GMDS: variants seen among roughly 807,000 people sequenced by gnomAD.
GMDS encodes GDP-mannose 4,6-dehydratase, also known as GDP-mannose 4,6 dehydratase.
In GMDS, 20 loss-of-function variants were observed where a neutral mutation model predicts 49.9. That is an observed-to-expected ratio of 0.40 (90% CI 0.28 to 0.58). GMDS has a LOEUF of 0.58. GMDS is among the 20% of genes least tolerant of loss of function. The pLI, the probability that GMDS is intolerant of heterozygous loss-of-function variation, is 0.42. For synonymous variants in GMDS, 177 were observed against 178.6 expected (o/e 0.99, Z 0.07); for missense variants, 362 against 481.4 (o/e 0.75, Z 2.32).
intron 6 of GMDS, among the ~76,000 whole-genome samples, chr6:1,946,185 C>T (rs1206862005): frequency 6.6e-6 from 1 of 152,090 alleles, no homozygotes; most frequent in Non-Finnish European, 1.5e-5. Context: ...TGAGGAAAAA[C>T]TAGAGGGCCA....
Position 1,778,876 on chromosome 6 carries a change from C to T in GMDS, c.772-36290G>A, listed in dbSNP as rs976495400. 1.3e-5 allele frequency among the ~76,000 whole-genome samples: 2 copies of T among 152,018 alleles called. No homozygotes were observed. Among genetic ancestry groups the T allele is most frequent in the Non-Finnish European group, 2.9e-5 (2 of 67,978 alleles). On this transcript the variant is annotated intron_variant, in intron 7 of 10. Coordinates refer to ENST00000380815, the MANE Select transcript of GMDS (RefSeq NM_001500.4). The surrounding 1 kb of genome is among the most constrained non-coding windows in gnomAD (Gnocchi z 4.6). ...TTTTTCTCTTATAGCAGAAATACGC[C>T]TGAAAATGTTTTTCCAACCCCAACA... is the stretch of plus-strand genomic sequence containing the variant.
intron 7 of GMDS, among the ~76,000 whole-genome samples, chr6:1,811,555 C>CTTTT (rs67339222): frequency 8.4e-6 from 1 of 119,062 alleles, no homozygotes; most frequent in Non-Finnish European, 1.7e-5. Flanking sequence ...ACTAGTCAAG[C>CTTTT]TTTTTTTTTT....
At chr6:2,220,242 C>A (rs946546301) in intron 1 of GMDS, among the ~76,000 whole-genome samples, 31 of 152,304 alleles carry the variant, frequency 2.0e-4, no homozygotes, top group African/African-American at 7.5e-4. Context: ...TCTGATGTTT[C>A]TTTTCACCCA....
intron 7 of GMDS, among the ~76,000 whole-genome samples, chr6:1,848,797 A>G (rs1262485641): frequency 2.0e-5 from 3 of 152,190 alleles, no homozygotes; most frequent in African/African-American, 7.2e-5. Context: ...GAGTGTAGGC[A>G]TCACCTAGGA....
intron 1 of GMDS, among the ~76,000 whole-genome samples, chr6:2,234,789 C>G (rs1781277741): frequency 6.6e-6 from 1 of 151,654 alleles, no homozygotes; most frequent in African/African-American, 2.4e-5. Context: ...AATTTTAAAG[C>G]AAAAAAAGAG....
At chr6:1,776,775 T>C (rs1768853522) in intron 7 of GMDS, among the ~76,000 whole-genome samples, 2 of 152,174 alleles carry the variant, frequency 1.3e-5, no homozygotes, top group South Asian at 4.1e-4. Flanking sequence ...TGCCTCTAAG[T>C]AAATTTTCAA....
intron 9 of GMDS, among the ~76,000 whole-genome samples, chr6:1,697,486 A>C (rs1280674160): frequency 6.6e-6 from 1 of 152,226 alleles, no homozygotes; most frequent in African/African-American, 2.4e-5. Flanking sequence ...AAAAAGCTAG[A>C]AACCTATTTC....
chr6:2,073,038 T>C (rs971185709), intron 4 of GMDS, among the ~76,000 whole-genome samples: 1 of 152,238 alleles, frequency 6.6e-6, no homozygotes, highest in South Asian at 2.1e-4. Flanking sequence ...TACCAACTAA[T>C]GGTTCTGTTT....
intron 4 of GMDS, among the ~76,000 whole-genome samples, chr6:1,976,694 C>T (rs1336959836): frequency 6.6e-6 from 1 of 152,100 alleles, no homozygotes; most frequent in African/African-American, 2.4e-5. Context: ...GGTATTAATA[C>T]TTCTGGTATT....
chr6:1,635,615 C>T lies in GMDS; in HGVS notation c.988-11075G>A, dbSNP rs1232667790. 2.6e-5 allele frequency among the ~76,000 whole-genome samples: 4 copies of T among 152,198 alleles called. No homozygotes were observed. In the South Asian group the frequency reaches 6.2e-4, roughly 24 times the overall value. On this transcript the variant is annotated intron_variant, in intron 9 of 10. Coordinates refer to ENST00000380815, the MANE Select transcript of GMDS (RefSeq NM_001500.4). The surrounding 1 kb of genome is among the most constrained non-coding windows in gnomAD (Gnocchi z 4.7). ...CCTTGGCAGGTGCTTTGTTTGCCGT[C>T]GGGGCCAGCCTCACTGACAAGGCTG...
intron 1 of GMDS, among the ~76,000 whole-genome samples, chr6:2,225,610 T>G (rs1171975489): frequency 2.0e-5 from 3 of 152,190 alleles, no homozygotes; most frequent in Non-Finnish European, 4.4e-5. Context: ...TCCGGATCAG[T>G]GTGTTGGCTG....
At chr6:2,035,776 T>C (rs1405771003) in intron 4 of GMDS, among the ~76,000 whole-genome samples, 1 of 152,066 alleles carries the variant, frequency 6.6e-6, no homozygotes, top group Non-Finnish European at 1.5e-5. Flanking sequence ...AACCTCTACC[T>C]CCCAAGTTCA....
rs552684745 is a variant in GMDS at position 1,905,620 on chromosome 6, T to C, written c.771+24483A>G. Among the ~76,000 whole-genome samples, 15 of 134,524 alleles carry C rather than the reference T, an allele frequency of 1.1e-4. No homozygotes were observed. In the East Asian group the frequency reaches 3.7e-3, roughly 33 times the overall value. 88.3% of individuals were successfully genotyped at this position (134,524 alleles called of 152,430 possible). On this transcript the variant is annotated intron_variant, in intron 7 of 10. Coordinates refer to ENST00000380815, the MANE Select transcript of GMDS (RefSeq NM_001500.4). ...TGGTGTGTAGGTGGGACCTCAAAGGTACCTGTGCATCTGCATGTGGGGCCA... is the reference window on the plus strand; with the variant it reads ...TGGTGTGTAGGTGGGACCTCAAAGGCACCTGTGCATCTGCATGTGGGGCCA...
intron 7 of GMDS, among the ~76,000 whole-genome samples, chr6:1,866,573 G>A (rs1185472676): frequency 1.3e-5 from 2 of 152,196 alleles, no homozygotes; most frequent in East Asian, 3.8e-4. Context: ...ATTGTTTCCC[G>A]AAGTTTAACA....
At chr6:1,985,417 A>G (rs968094785) in intron 4 of GMDS, among the ~76,000 whole-genome samples, 3 of 152,210 alleles carry the variant, frequency 2.0e-5, no homozygotes, top group African/African-American at 7.2e-5. Flanking sequence ...AATGTCAAGA[A>G]AGAACCAATA....
intron 7 of GMDS, among the ~76,000 whole-genome samples, chr6:1,752,950 T>A (rs745311799): frequency 5.9e-5 from 9 of 152,060 alleles, no homozygotes; most frequent in Non-Finnish European, 1.3e-4. Flanking sequence ...GTAAAGACCA[T>A]CAACACTATG....
intron 7 of GMDS, among the ~76,000 whole-genome samples, chr6:1,837,182 AGAT>A (rs1256778988): frequency 6.6e-6 from 1 of 152,238 alleles, no homozygotes; most frequent in Non-Finnish European, 1.5e-5. Flanking sequence ...CCACATGTTC[AGAT>A]GATAAGATAA....
chr6:2,092,792 A>G (rs1177931527), intron 4 of GMDS, among the ~76,000 whole-genome samples: 1 of 152,218 alleles, frequency 6.6e-6, no homozygotes, highest in Non-Finnish European at 1.5e-5. Flanking sequence ...TTCCAACAGT[A>G]AAAACAAAAA....
At chr6:1,679,898 A>G (rs991916292) in intron 9 of GMDS, 3 of 152,252 alleles carry the variant, frequency 2.0e-5, no homozygotes, top group Non-Finnish European at 4.4e-5. Context: ...AGATCTCTAT[A>G]TATTACCTTT....
Sources: allele counts gnomAD v4.1 joint callset (sites outside exome capture counted in the v4.1 genomes callset), GRCh38; gene constraint gnomAD v4.1.1; non-coding constraint Gnocchi (gnomAD v3.1); transcripts MANE v1.5; gene names NCBI Gene and HGNC (gene_info 2026-07-23, HGNC 2026-07-21).